SORCS1: variants seen among roughly 807,000 people sequenced by gnomAD.
SORCS1 encodes the protein sortilin related VPS10 domain containing receptor 1.
Under a neutral mutation model 146.1 loss-of-function variants are expected in SORCS1, and 60 were observed. The ratio of observed to expected loss-of-function variants is 0.41; its 90% confidence interval spans 0.33 to 0.51. The LOEUF is 0.51. Ranked by LOEUF, SORCS1 falls within the 20% of genes least tolerant of loss-of-function variation. SORCS1 has a pLI of 0.21. For missense variants in SORCS1, 1,352 were observed against 1,487.6 expected, an observed-to-expected ratio of 0.91 and a Z score of 1.50; for synonymous variants, 637 against 584.0, an observed-to-expected ratio of 1.09 and a Z score of -1.31.
intron 1 of SORCS1, among the ~76,000 whole-genome samples, chr10:107,089,733 G>A (rs963308063): frequency 2.0e-5 from 3 of 152,178 alleles, no homozygotes; most frequent in African/African-American, 7.2e-5. Flanking sequence ...TATTCCAGGT[G>A]TAAAATGAAT....
intron 1 of SORCS1, among the ~76,000 whole-genome samples, chr10:106,981,656 C>T (rs1337999928): frequency 6.6e-6 from 1 of 152,144 alleles, no homozygotes; most frequent in African/African-American, 2.4e-5. Context: ...CATTTTTCAT[C>T]TTTGAGGATT....
intron 2 of SORCS1, among the ~76,000 whole-genome samples, chr10:106,879,245 G>C (rs531730378): frequency 6.6e-6 from 1 of 151,862 alleles, no homozygotes; most frequent in Non-Finnish European, 1.5e-5. Context: ...CACTGCTCAC[G>C]GAACTTGCCA....
intron 5 of SORCS1, among the ~76,000 whole-genome samples, chr10:106,741,309 TAAG>T (rs1857343967): frequency 6.6e-6 from 1 of 152,118 alleles, no homozygotes; most frequent in Non-Finnish European, 1.5e-5. Flanking sequence ...ACTAAAAAGA[TAAG>T]GAGAAGCCAG....
intron 24 of SORCS1, among the ~76,000 whole-genome samples, chr10:106,585,689 C>CTAT (rs745829803): frequency 1.8e-4 from 28 of 152,310 alleles, no homozygotes; most frequent in Non-Finnish European, 4.0e-4. Flanking sequence ...TGAATCTGAG[C>CTAT]TATTATTATA....
At chr10:106,937,792 C>T (rs1159765596) in intron 2 of SORCS1, among the ~76,000 whole-genome samples, 1 of 151,742 alleles carries the variant, frequency 6.6e-6, no homozygotes, top group Non-Finnish European at 1.5e-5. Context: ...AGTGAAATCC[C>T]ATCTCTACTA....
intron 3 of SORCS1, among the ~76,000 whole-genome samples, chr10:106,779,279 T>C (rs1332200338): frequency 6.6e-6 from 1 of 152,218 alleles, no homozygotes; most frequent in East Asian, 1.9e-4. Flanking sequence ...TTCCAGTGGC[T>C]GCTCTCTTAA....
At chr10:106,740,264 C>T (rs577887382) in intron 5 of SORCS1, among the ~76,000 whole-genome samples, 1 of 152,098 alleles carries the variant, frequency 6.6e-6, no homozygotes, top group Non-Finnish European at 1.5e-5. Context: ...CAATTACCCC[C>T]CTAGGGTGTG....
intron 1 of SORCS1, among the ~76,000 whole-genome samples, chr10:107,135,075 T>C (rs1967168124): frequency 6.6e-6 from 1 of 152,204 alleles, no homozygotes; most frequent in Non-Finnish European, 1.5e-5. Context: ...TTTTTCAAAT[T>C]TGAAATTTAA....
rs184816210 is a variant in SORCS1, at chr10:106,863,958, C to A, written c.627-34285G>T. On this transcript the variant is annotated intron_variant, in intron 2 of 25. Transcript: ENST00000263054. The stretch of plus-strand genomic sequence containing the variant: ...ACTCAGATTCTTCTTGGCTTGGGTT[C>A]TTTCTGTGGCAAAGGCTAGACCTGA... Among the ~76,000 whole-genome samples the A allele has an allele frequency of 1.7e-3, 259 of 152,230 alleles. 1 individual carries two copies. The highest frequency in any genetic ancestry group is 3.0e-3 in the Non-Finnish European group (204 of 68,026).
At chr10:107,015,421 A>G (rs1957857969) in intron 1 of SORCS1, among the ~76,000 whole-genome samples, 1 of 152,196 alleles carries the variant, frequency 6.6e-6, no homozygotes, top group Admixed American at 6.5e-5. Context: ...GTATTTGAGC[A>G]AAGAGTTGAC....
At chr10:106,739,598 G>A (rs1181464554) in intron 5 of SORCS1, among the ~76,000 whole-genome samples, 1 of 152,002 alleles carries the variant, frequency 6.6e-6, no homozygotes. Context: ...CACGAGGTCA[G>A]AAGATCGAGA....
At chr10:106,617,482 A>G (rs879424322) in intron 21 of SORCS1, among the ~76,000 whole-genome samples, 1 of 150,736 alleles carries the variant, frequency 6.6e-6, no homozygotes, top group Non-Finnish European at 1.5e-5. Context: ...AAGATTTACC[A>G]AAATGAAATC....
chr10:107,041,313 T>C (rs1320028064), intron 1 of SORCS1, among the ~76,000 whole-genome samples: 1 of 152,016 alleles, frequency 6.6e-6, no homozygotes, highest in African/African-American at 2.4e-5. Context: ...TGTCTATCTC[T>C]GCTACTTTCT....
chr10:106,895,698 G>A (rs565489493), intron 2 of SORCS1, among the ~76,000 whole-genome samples: 1 of 152,124 alleles, frequency 6.6e-6, no homozygotes, highest in Non-Finnish European at 1.5e-5. Context: ...CTACAAAACG[G>A]TACAACCACT....
intron 1 of SORCS1, among the ~76,000 whole-genome samples, chr10:107,103,958 A>G (rs960984655): frequency 6.6e-6 from 1 of 152,244 alleles, no homozygotes; most frequent in Non-Finnish European, 1.5e-5. Flanking sequence ...TATTTGGACA[A>G]AAGATTGCAC....
At chr10:107,069,022 T>TA (rs1242506855) in intron 1 of SORCS1, among the ~76,000 whole-genome samples, 2 of 152,122 alleles carry the variant, frequency 1.3e-5, no homozygotes, top group African/African-American at 4.8e-5. Context: ...CCTAAACACA[T>TA]ACTTGTTATT....
At chr10:106,790,773 G>T (rs1166608805) in intron 3 of SORCS1, among the ~76,000 whole-genome samples, 2 of 152,162 alleles carry the variant, frequency 1.3e-5, no homozygotes, top group East Asian at 1.9e-4. Flanking sequence ...AGGTTTTTAA[G>T]CTACTTGTCC....
chr10:107,134,813 C>T (rs1967143747), intron 1 of SORCS1, among the ~76,000 whole-genome samples: 1 of 152,150 alleles, frequency 6.6e-6, no homozygotes, highest in African/African-American at 2.4e-5. Flanking sequence ...CAATCAAATG[C>T]ATCTTTCAAA....
chr10:106,642,726 G>C (rs1849155077), intron 18 of SORCS1, among the ~76,000 whole-genome samples: 1 of 151,442 alleles, frequency 6.6e-6, no homozygotes, highest in Non-Finnish European at 1.5e-5. Flanking sequence ...ATATTCTTTA[G>C]AATAGATAAA....
Sources: gnomAD v4.1 joint callset for allele counts (sites outside exome capture counted in the v4.1 genomes callset) on GRCh38, gnomAD v4.1.1 for gene constraint, MANE v1.5 for transcripts, NCBI Gene and HGNC (gene_info 2026-07-23, HGNC 2026-07-21) for gene names.